The following SCML2 variants were observed in gnomAD, a reference collection of about 807,000 sequenced individuals.
SCML2 encodes sex comb on midleg-like protein 2.
Under a neutral mutation model 48.4 loss-of-function variants are expected in SCML2, and 6 were observed. That is an observed-to-expected ratio of 0.12 (90% CI 0.07 to 0.24). The LOEUF (loss-of-function observed/expected upper bound fraction) is 0.24, where lower values mean the gene tolerates loss of function less well. SCML2 is among the 10% of genes least tolerant of loss of function. The probability of loss-of-function intolerance (pLI) is 1.00; values close to 1 mark genes in which losing one functional copy is unlikely to be tolerated. For missense variants in SCML2, 377 were observed against 528.2 expected, an observed-to-expected ratio of 0.71 and a Z score of 2.81; for synonymous variants, 181 against 189.5, an observed-to-expected ratio of 0.95 and a Z score of 0.37.
At chrX:18,352,391 A>T (rs1480056274) in intron 1 of SCML2, among the ~76,000 whole-genome samples, 1 of 111,989 alleles carries the variant, frequency 8.9e-6, no homozygotes, top group Admixed American at 9.5e-5. Context: ...GAAAATATAT[A>T]GCTTTATATA....
intron 7 of SCML2, among the ~76,000 whole-genome samples, chrX:18,289,982 GA>G (rs1435025011): frequency 1.9e-5 from 2 of 102,935 alleles, no homozygotes; most frequent in East Asian, 3.0e-4. Context: ...TTTCAAAATA[GA>G]AAAAAAAAAC....
chrX:18,298,090 T>C (rs1928456402), intron 7 of SCML2, among the ~76,000 whole-genome samples: 1 of 110,563 alleles, frequency 9.0e-6, no homozygotes, highest in Non-Finnish European at 1.9e-5. Flanking sequence ...CAAGAAAAAC[T>C]ACAAAACGCT....
chrX:18,320,274 T>C, intron 6 of SCML2, 58 bp downstream of exon 6: 1 of 687,340 alleles, frequency 1.5e-6, no homozygotes, highest in African/African-American at 2.1e-5. Flanking sequence ...GATTAAGCAT[T>C]TAAGCATTCC....
chrX:18,245,303 T>C (rs2147459999), intron 13 of SCML2, among the ~76,000 whole-genome samples: 1 of 112,231 alleles, frequency 8.9e-6, no homozygotes, highest in Non-Finnish European at 1.9e-5. Context: ...CCGGCTACCT[T>C]AGTGTTTGAC....
Position 18,264,180 on chromosome X carries a change from T to C in SCML2, c.948+1405A>G, listed in dbSNP as rs184163708. Among the ~76,000 whole-genome samples the C allele has an allele frequency of 7.2e-5, 8 of 111,724 alleles. 1 individual carries two copies. The East Asian group carries it at 2.2e-3, about 31-fold the overall frequency. On this transcript the variant is annotated intron_variant, in intron 8 of 14. Coordinates refer to ENST00000251900, the MANE Select transcript of SCML2 (RefSeq NM_006089.3). ...CTCCAATTACATTGTATTGGACCTT[T>C]GATATTATCTAAAAGGTCTCTGGGT... is the stretch of plus-strand genomic sequence containing the variant.
chrX:18,308,069 G>C (rs1464731635), intron 6 of SCML2, among the ~76,000 whole-genome samples: 1 of 103,405 alleles, frequency 9.7e-6, no homozygotes, highest in Non-Finnish European at 2.0e-5. Flanking sequence ...ACTCCAGCCT[G>C]GGTGACAGAT....
intron 7 of SCML2, among the ~76,000 whole-genome samples, 186 bp downstream of exon 7, chrX:18,304,786 C>T (rs1014336972): frequency 9.0e-6 from 1 of 111,394 alleles, no homozygotes; most frequent in African/African-American, 3.3e-5. Context: ...GCTGCAGTGA[C>T]CTCAAGAATT....
intron 1 of SCML2, among the ~76,000 whole-genome samples, chrX:18,340,850 TAAAC>T (rs1569165664): frequency 9.2e-6 from 1 of 109,034 alleles, no homozygotes; most frequent in Non-Finnish European, 1.9e-5. Context: ...TAAAATGTGA[TAAAC>T]AATAAGGCAG....
rs1213734802 is a variant in SCML2, at chrX:18,323,959, A to G, written c.297T>C (p.Gly99=). 2 of 1,210,816 alleles carry G rather than the reference A, an allele frequency of 1.7e-6. No individual in the cohort carries two copies. Among genetic ancestry groups the G allele is most frequent in the South Asian group, 1.8e-5 (1 of 56,955 alleles). The change falls in exon 5 of 15, where the codon GGT becomes GGC. Residue 99 remains glycine (G), a synonymous_variant. Transcript: ENST00000251900. The part of the protein sequence containing the change: ...TGARLRLRLD[G]SDNRNDFWRL... ...TCCAAAAATCATTTCTGTTGTCACT[A>G]CCATCCAGTCGTAACCGTAACCTGG...
Position 18,265,572 on chromosome X carries a change from AC to A in SCML2, c.948+12del. 8.7e-7 allele frequency: 1 copy of A among 1,152,902 alleles called. No homozygotes were observed. The highest frequency in any genetic ancestry group is 1.2e-6 in the Non-Finnish European group (1 of 843,571). ...AAAACCTATAATACAAATTAGGAGG[AC>A]ATACAACTAACCTTTTTTCCTGAGT... is the stretch of plus-strand genomic sequence containing the variant. On this transcript the variant is annotated intron_variant, in intron 8 of 14. Coordinates refer to ENST00000251900, the MANE Select transcript of SCML2 (RefSeq NM_006089.3).
intron 7 of SCML2, among the ~76,000 whole-genome samples, chrX:18,273,450 T>C (rs1927525663): frequency 9.0e-6 from 1 of 111,533 alleles, no homozygotes; most frequent in Non-Finnish European, 1.9e-5. Context: ...ATTCATTTTG[T>C]TTATCCTAAA....
intron 7 of SCML2, among the ~76,000 whole-genome samples, chrX:18,303,487 T>C (rs968317174): frequency 1.8e-5 from 2 of 111,867 alleles, no homozygotes; most frequent in African/African-American, 6.5e-5. Flanking sequence ...CATGCACCTT[T>C]TGTGATGCTT....
chrX:18,295,921 A>G (rs1222283374), intron 7 of SCML2, among the ~76,000 whole-genome samples: 1 of 112,199 alleles, frequency 8.9e-6, no homozygotes, highest in Non-Finnish European at 1.9e-5. Context: ...AATCAAAGCT[A>G]AAGTATCCTA....
intron 11 of SCML2, among the ~76,000 whole-genome samples, chrX:18,256,587 C>A (rs750991872): frequency 8.9e-6 from 1 of 112,294 alleles, no homozygotes; most frequent in South Asian, 3.8e-4. Flanking sequence ...AGCCATACTT[C>A]AGTCTAATAG....
intron 7 of SCML2, among the ~76,000 whole-genome samples, chrX:18,300,968 A>T (rs1602117857): frequency 8.9e-6 from 1 of 111,741 alleles, no homozygotes; most frequent in East Asian, 2.8e-4. Flanking sequence ...GCAAACACTG[A>T]AAGAAATACA....
At chrX:18,354,830 C>T (rs1334278088), upstream of SCML2, 1 of 133,113 alleles carries the variant, frequency 7.5e-6, no homozygotes, top group Non-Finnish European at 1.5e-5. Flanking sequence ...CCGAGCGCCA[C>T]CGCAGGCAGT....
chrX:18,336,437 CAA>C (rs1287373579), intron 1 of SCML2, among the ~76,000 whole-genome samples: 2 of 50,093 alleles, frequency 4.0e-5, no homozygotes, highest in Admixed American at 2.6e-4. Flanking sequence ...GACTCGGTCT[CAA>C]AAAAAAAAAA....
chrX:18,324,608 C>T (rs1005418668), intron 4 of SCML2, among the ~76,000 whole-genome samples: 1 of 112,211 alleles, frequency 8.9e-6, no homozygotes, highest in African/African-American at 3.2e-5. Flanking sequence ...ACTATCCTTC[C>T]TCCCATTCCA....
Position 18,265,727 on chromosome X carries a change from T to G in SCML2, c.806A>C (p.Gln269Pro), listed in dbSNP as rs149800502. The change falls in exon 8 of 15, where the codon CAG (glutamine) becomes CCG (proline). Residue 269 changes from glutamine (Q) to proline (P), a missense_variant. Physicochemically the swap from Gln to Pro is moderately conservative, Grantham distance 76. Coordinates refer to ENST00000251900, the MANE Select transcript of SCML2 (RefSeq NM_006089.3). ...TGTTGGTAATATTAGAGTAGTTTTCTGTGGAGACTGCATTGAATGCTGGCT... is the reference window on the plus strand; with the variant it reads ...TGTTGGTAATATTAGAGTAGTTTTCGGTGGAGACTGCATTGAATGCTGGCT... ...EASQHSMQSP[Q>P]KTTLILPTQQ... 13 of 1,208,785 alleles carry G rather than the reference T, an allele frequency of 1.1e-5. No homozygotes were observed. The African/African-American group carries it at 2.3e-4, about 21-fold the overall frequency.
Sources: allele counts gnomAD v4.1 joint callset (sites outside exome capture counted in the v4.1 genomes callset), GRCh38; gene constraint gnomAD v4.1.1; transcripts MANE v1.5; gene names NCBI Gene and HGNC (gene_info 2026-07-23, HGNC 2026-07-21).